Variants in NUP85 observed in about 807,000 individuals in gnomAD.
The protein encoded by NUP85 is nuclear pore complex protein Nup85.
In NUP85, 23 loss-of-function variants were observed where a neutral mutation model predicts 92.8. The observed-to-expected ratio is 0.25, with a 90% CI of 0.18 to 0.35. The LOEUF is 0.35. NUP85 is among the 10% of genes least tolerant of loss of function. NUP85 has a pLI of 1.00. For missense variants in NUP85, 759 were observed against 822.8 expected (o/e 0.92, Z 0.95); for synonymous variants, 314 against 306.9 (o/e 1.02, Z -0.24).
chr17:75,217,719 C>T (rs1035427320), intron 6 of NUP85, among the ~76,000 whole-genome samples: 4 of 152,144 alleles, frequency 2.6e-5, no homozygotes, highest in Non-Finnish European at 4.4e-5. Flanking sequence ...GTTGTCCAGG[C>T]TGGTCTTGAA....
intron 7 of NUP85, among the ~76,000 whole-genome samples, chr17:75,222,036 TTTTGTTTTGTTTGTTTG>T (rs1362019401): frequency 9.1e-5 from 8 of 87,930 alleles, no homozygotes; most frequent in Non-Finnish European, 2.1e-4. Flanking sequence ...TGTGTGTGTG[TTTTGTTTTGTTTGTTTG>T]TTTGTTTGTT....
intron 4 of NUP85, among the ~76,000 whole-genome samples, chr17:75,212,799 G>T (rs1411208994): frequency 2.6e-5 from 4 of 152,002 alleles, no homozygotes; most frequent in Non-Finnish European, 2.9e-5. Flanking sequence ...GGGATTACAG[G>T]TGTGAGCCAC....
At chr17:75,225,673 G>A (rs1389925531) in intron 9 of NUP85, 25 bp from the exon 10 acceptor site, 2 of 1,613,652 alleles carry the variant, frequency 1.2e-6, no homozygotes, top group Middle Eastern at 1.7e-4. Flanking sequence ...GGAGGACAGA[G>A]TTCAGCACAA....
Position 75,218,180 on chromosome 17 carries a change from C to T in NUP85, c.476-5C>T, listed in dbSNP as rs755350323. 1 of 1,613,694 alleles carries T rather than the reference C, an allele frequency of 6.2e-7. No individual in the cohort carries two copies. The highest frequency in any genetic ancestry group is 1.3e-5 in the African/African-American group (1 of 74,900). On this transcript the variant is annotated splice_polypyrimidine_tract_variant and splice_region_variant and intron_variant, in intron 6 of 18. Transcript: ENST00000245544. ...TTTGTGTGTGATGAGAGTCTCTCCT[C>T]CCAGCTGGCCCTCTCCTCCTCCATC...
chr17:75,235,156 G>T lies in NUP85; in HGVS notation c.1824G>T (p.Thr608=), dbSNP rs560582287. The change falls in exon 18 of 19, where the codon ACG becomes ACT. Residue 608 remains threonine, a synonymous_variant. Transcript: ENST00000245544. ...YELMRCLEDL[T]SRRPVHGESD... ...TGATGCGGTGTCTGGAGGACTTGAC[G>T]TCAAGAAGACCTGTGCATGGAGAAT... 9 of 1,614,138 alleles carry T rather than the reference G, an allele frequency of 5.6e-6. No individual in the cohort carries two copies. The highest frequency in any genetic ancestry group is 7.6e-6 in the Non-Finnish European group (9 of 1,180,008).
intron 7 of NUP85, among the ~76,000 whole-genome samples, chr17:75,219,512 A>C (rs1378847850): frequency 6.6e-6 from 1 of 152,122 alleles, no homozygotes; most frequent in Non-Finnish European, 1.5e-5. Flanking sequence ...GGGCTCAAGC[A>C]ATCCTTCCAC....
chr17:75,232,160 C>CTTTTT, intron 14 of NUP85, 181 bp downstream of exon 14: 1 of 663,668 alleles, frequency 1.5e-6, no homozygotes. Context: ...GACAGGAAAG[C>CTTTTT]TAGGGATCCA....
At chr17:75,234,357 CT>C (rs2145436343) in intron 16 of NUP85, among the ~76,000 whole-genome samples, 1 of 152,350 alleles carries the variant, frequency 6.6e-6, no homozygotes, top group South Asian at 2.1e-4. Context: ...CACGCCTGGC[CT>C]AGTCAATCTC....
At chr17:75,227,729 C>G (rs989762415) in intron 11 of NUP85, among the ~76,000 whole-genome samples, 3 of 152,110 alleles carry the variant, frequency 2.0e-5, no homozygotes, top group African/African-American at 4.8e-5. Context: ...CCTTGACCTC[C>G]TGGGTTCAAG....
At position 75,231,564 on chromosome 17, in the gene NUP85, T is replaced by G; in HGVS notation, c.1179-9T>G. 1 of 1,614,192 alleles carries G rather than the reference T, an allele frequency of 6.2e-7. No individual in the cohort carries two copies. The highest frequency in any genetic ancestry group is 8.5e-7 in the Non-Finnish European group (1 of 1,180,028). On this transcript the variant is annotated splice_polypyrimidine_tract_variant and intron_variant, in intron 12 of 18. Coordinates refer to ENST00000245544, the MANE Select transcript of NUP85 (RefSeq NM_024844.5). The surrounding 1 kb of genome is among the most constrained non-coding windows in gnomAD (Gnocchi z 4.6). ...AGGAGTCTTGGTCTTTTGTTATGTTTTATTCCAGTTTCGGTTCCAACATGA... is the reference window on the plus strand; with the variant it reads ...AGGAGTCTTGGTCTTTTGTTATGTTGTATTCCAGTTTCGGTTCCAACATGA...
At chr17:75,233,017 G>C in intron 15 of NUP85, 41 bp from the exon 16 acceptor site, 1 of 1,612,734 alleles carries the variant, frequency 6.2e-7, no homozygotes, top group Non-Finnish European at 8.5e-7. Context: ...GTTGAGGTGG[G>C]CCTGAGACTG....
intron 14 of NUP85, 53 bp from the exon 15 acceptor site, chr17:75,232,798 A>G (rs2076125391): frequency 1.3e-6 from 2 of 1,510,788 alleles, no homozygotes; most frequent in Non-Finnish European, 1.8e-6. Flanking sequence ...GGGCTCAGGA[A>G]TGGAGTGATT....
intron 5 of NUP85, among the ~76,000 whole-genome samples, 156 bp from the exon 6 acceptor site, chr17:75,215,598 C>T (rs554575807): frequency 4.6e-5 from 7 of 152,354 alleles, no homozygotes; most frequent in African/African-American, 9.6e-5. Context: ...AACATCCTCA[C>T]GCTGGCTCCC....
chr17:75,221,498 A>G (rs536511153), intron 7 of NUP85, among the ~76,000 whole-genome samples: 1 of 152,094 alleles, frequency 6.6e-6, no homozygotes, highest in Non-Finnish European at 1.5e-5. Context: ...GGCCTCCCAA[A>G]GTATTGGGAT....
rs2076066776 is a variant in NUP85, at chr17:75,231,705, G to A, written c.1244+67G>A. On this transcript the variant is annotated intron_variant, in intron 13 of 18. Coordinates refer to ENST00000245544, the MANE Select transcript of NUP85 (RefSeq NM_024844.5). This position sits in a 1 kb window ranked among gnomAD's most constrained non-coding sequence, Gnocchi z 4.6. ...CAGCATGCGGGTGCCATTGGAGCTT[G>A]GACTGTTCTCTCCCAGTTGGCTCCT... 6.2e-7 allele frequency: 1 copy of A among 1,605,440 alleles called. No individual in the cohort carries two copies. The highest frequency in any genetic ancestry group is 1.1e-5 in the South Asian group (1 of 90,820).
chr17:75,235,274 TC>T (rs2076288289), intron 18 of NUP85, 73 bp downstream of exon 18: 3 of 1,121,900 alleles, frequency 2.7e-6, no homozygotes, highest in Middle Eastern at 2.0e-4. Context: ...GGCTTCCCCT[TC>T]CCTCCAGAAA....
In NUP85 at chr17:75,233,218, G is replaced by A; in HGVS notation, c.1615+60G>A. ...CACAAGTGGGTAGTTGGGGAGGTTG[G>A]AGGGATCACGTCAGACTTCTCCCAG... On this transcript the variant is annotated intron_variant, in intron 16 of 18. Coordinates refer to ENST00000245544, the MANE Select transcript of NUP85 (RefSeq NM_024844.5). 3 of 1,391,692 alleles carry A rather than the reference G, an allele frequency of 2.2e-6. No individual in the cohort carries two copies. The South Asian group carries it at 3.5e-5, about 16-fold the overall frequency. 86.2% of individuals were successfully genotyped at this position (1,391,692 alleles called of 1,614,324 possible).
At chr17:75,211,945 T>C in intron 3 of NUP85, 47 bp from the exon 4 acceptor site, 1 of 1,434,942 alleles carries the variant, frequency 7.0e-7, no homozygotes, top group Non-Finnish European at 9.7e-7. Context: ...TTTGTGGCAC[T>C]ACAAGATGTT....
rs781570648 is a variant in NUP85 at position 75,208,910 on chromosome 17, ATT to A, written c.127+298_127+299del. Among the ~76,000 whole-genome samples, 3 of 150,594 alleles carry A rather than the reference ATT, an allele frequency of 2.0e-5. No homozygotes were observed. In the Admixed American group the frequency reaches 2.0e-4, roughly 10 times the overall value. On this transcript the variant is annotated intron_variant, in intron 2 of 18. Transcript: ENST00000245544. The stretch of plus-strand genomic sequence containing the variant: ...GTCACCATGCCACCACGCCCAGCTA[ATT>A]TTTTTTTCTTTGTAGAGATGGGAGT...
Sources: allele counts gnomAD v4.1 joint callset (sites outside exome capture counted in the v4.1 genomes callset), GRCh38; gene constraint gnomAD v4.1.1; non-coding constraint Gnocchi (gnomAD v3.1); transcripts MANE v1.5; gene names NCBI Gene and HGNC (gene_info 2026-07-23, HGNC 2026-07-21).